Variants in HIP1R observed in about 807,000 individuals in gnomAD.
HIP1R encodes the protein huntingtin interacting protein 1 related.
HIP1R carries 135 observed loss-of-function variants against 144.2 expected under a neutral mutation model. The ratio of observed to expected loss-of-function variants is 0.94; its 90% CI spans 0.81 to 1.08. The LOEUF (loss-of-function observed/expected upper bound fraction) is 1.08, where lower values mean the gene tolerates loss of function less well. Among genes scored for constraint, HIP1R ranks in the 50% least tolerant of loss-of-function variants. HIP1R has a pLI of 0.00. For missense variants in HIP1R, 1,462 were observed against 1,432.8 expected (o/e 1.02, Z -0.33); for synonymous variants, 698 against 612.8 (o/e 1.14, Z -2.05).
Position 122,862,946 on chromosome 12 carries a change from T to G in HIP1R, c.*1193T>G, listed in dbSNP as rs2033811877. On this transcript the variant is annotated 3_prime_UTR_variant, in exon 32 of 32. Coordinates refer to ENST00000253083, the MANE Select transcript of HIP1R (RefSeq NM_003959.3). ...GTTCTGTTGGCAATAAAATGCACTT[T>G]GACTGTTTGTTGTCACTGATGCCCC... is the stretch of plus-strand genomic sequence containing the variant. 6.6e-6 allele frequency: 1 copy of G among 152,264 alleles called. No individual in the cohort carries two copies. The highest frequency in any genetic ancestry group is 1.5e-5 in the Non-Finnish European group (1 of 68,046). The allele number at this position is 152,264 out of a possible 1,614,324, so 9.4% of individuals were successfully genotyped here.
At chr12:122,854,839 A>T in intron 8 of HIP1R, 66 bp from the exon 9 acceptor site, 1 of 1,520,156 alleles carries the variant, frequency 6.6e-7, no homozygotes, top group South Asian at 1.1e-5. Flanking sequence ...CGGAGGAACA[A>T]GGCAGGGCAG....
At chr12:122,837,949 A>C (rs1181303713) in intron 1 of HIP1R, among the ~76,000 whole-genome samples, 1 of 152,212 alleles carries the variant, frequency 6.6e-6, no homozygotes, top group African/African-American at 2.4e-5. Flanking sequence ...AGAAAATAGC[A>C]CATGCAGTCC....
intron 26 of HIP1R, 46 bp downstream of exon 26, chr12:122,860,256 C>A (rs577207590): frequency 1.3e-6 from 2 of 1,533,716 alleles, no homozygotes; most frequent in African/African-American, 2.7e-5. Context: ...GGAGCCTGAC[C>A]CCCAGCCTAG....
At chr12:122,851,011 GAAT>G (rs2033378371) in intron 6 of HIP1R, 100 bp downstream of exon 6, 3 of 1,080,638 alleles carry the variant, frequency 2.8e-6, no homozygotes, top group Admixed American at 4.6e-5. Context: ...CAGTGGGGTT[GAAT>G]GAGTCCGTGG....
rs1057130658 is a variant in HIP1R at position 122,862,922 on chromosome 12, T to A, written c.*1169T>A. On this transcript the variant is annotated 3_prime_UTR_variant, in exon 32 of 32. Transcript: ENST00000253083. ...TGTGTTAGCATTTCCTCCTGAAGTG[T>A]TCTGTTGGCAATAAAATGCACTTTG... The A allele has an allele frequency of 5.3e-5, 8 of 152,206 alleles. No individual in the cohort carries two copies. Among genetic ancestry groups the A allele is most frequent in the African/African-American group, 1.7e-4 (7 of 41,444 alleles). 9.4% of individuals were successfully genotyped at this position (152,206 alleles called of 1,614,324 possible).
intron 22 of HIP1R, 103 bp from the exon 23 acceptor site, chr12:122,859,323 C>T: frequency 6.9e-7 from 1 of 1,454,992 alleles, no homozygotes; most frequent in Admixed American, 1.8e-5. Flanking sequence ...GGGTGGGGAC[C>T]ATGCACCCTC....
At chr12:122,860,814 G>A (rs775741743) in intron 28 of HIP1R, 30 bp downstream of exon 28, 29 of 1,605,182 alleles carry the variant, frequency 1.8e-5, no homozygotes, top group Non-Finnish European at 2.2e-5. Context: ...GCAGCACACT[G>A]GGCTCTGGGC....
In HIP1R at chr12:122,861,936, G is replaced by A. The variant is rs552465459; in HGVS notation, c.*183G>A. 2 of 567,206 alleles carry A rather than the reference G, an allele frequency of 3.5e-6. No individual in the cohort carries two copies. Among genetic ancestry groups the A allele is most frequent in the East Asian group, 3.0e-5 (1 of 33,432 alleles). The allele number at this position is 567,206 out of a possible 1,614,324, so 35.1% of individuals were successfully genotyped here. A position where few individuals can be genotyped will look rare whatever the true frequency, so the allele number is the denominator to read the frequency against. On this transcript the variant is annotated 3_prime_UTR_variant, in exon 32 of 32. Transcript: ENST00000253083. Reference sequence around the variant, plus strand: ...CAGGGTCCTGGGCCATGTGGGTGGTGCTTCTGGATGTGAGTCTCTTATTTA... The same window carrying A: ...CAGGGTCCTGGGCCATGTGGGTGGTACTTCTGGATGTGAGTCTCTTATTTA...
chr12:122,855,412 C>A lies in HIP1R; in HGVS notation c.993+7C>A. ...CCCCGCGGGGGAGCCAGTGGTGAGC[C>A]CCCTGCCCAGCCCGTGTCCCCCAGT... On this transcript the variant is annotated splice_region_variant and intron_variant, in intron 11 of 31. Transcript: ENST00000253083. 1 of 1,558,872 alleles carries A rather than the reference C, an allele frequency of 6.4e-7. No individual in the cohort carries two copies. The highest frequency in any genetic ancestry group is 1.4e-5 in the African/African-American group (1 of 73,462).
intron 1 of HIP1R, among the ~76,000 whole-genome samples, chr12:122,841,772 G>A (rs967554494): frequency 1.3e-5 from 2 of 152,140 alleles, no homozygotes; most frequent in Non-Finnish European, 2.9e-5. Context: ...CCTGGCAGAG[G>A]GGTGACGCAG....
rs149034848 is a variant in HIP1R at position 122,860,163 on chromosome 12, G to A, written c.2512G>A (p.Val838Met). 2.5e-6 allele frequency: 4 copies of A among 1,575,316 alleles called. No homozygotes were observed. Among genetic ancestry groups the A allele is most frequent in the Middle Eastern group, 1.7e-4 (1 of 6,032 alleles). The change falls in exon 26 of 32, where the codon GTG becomes ATG. Residue 838 changes from valine to methionine, a missense_variant. Val to Met is a conservative substitution (Grantham distance 21). Around this residue, in one of 2 missense-constraint regions of HIP1R, gnomAD observed 1,112 missense variants for 1,011.7 expected, o/e 1.10. Coordinates refer to ENST00000253083, the MANE Select transcript of HIP1R (RefSeq NM_003959.3). ...TDLMKAIRLL[V>M]TTSTSLQKEI... ...GTCTCGGCAGGCTATCCGGCTCCTG[G>A]TGACGACATCCACTAGCCTGCAGAA...
chr12:122,855,727 G>A (rs2033549133), intron 12 of HIP1R, 104 bp from the exon 13 acceptor site: 30 of 1,504,122 alleles, frequency 2.0e-5, no homozygotes, highest in Non-Finnish European at 2.5e-5. Context: ...AACCCGTGAG[G>A]TGCCCAAATC....
At chr12:122,851,116 G>A (rs1478847455) in intron 6 of HIP1R, 120 bp from the exon 7 acceptor site, 12 of 949,418 alleles carry the variant, frequency 1.3e-5, no homozygotes, top group South Asian at 5.1e-5. Flanking sequence ...GCAGAGGCAC[G>A]CTGTCTCACC....
chr12:122,860,108 C>T, intron 25 of HIP1R, 31 bp downstream of exon 25: 2 of 1,583,870 alleles, frequency 1.3e-6, no homozygotes, highest in Middle Eastern at 1.7e-4. Flanking sequence ...GGGGTCTGCA[C>T]CTGGAGGGCC....
intron 4 of HIP1R, among the ~76,000 whole-genome samples, chr12:122,849,399 G>A (rs953457998): frequency 6.6e-6 from 1 of 152,234 alleles, no homozygotes; most frequent in Non-Finnish European, 1.5e-5. Flanking sequence ...GCCCTGGACC[G>A]GGTACCCACA....
In HIP1R at chr12:122,850,290, A is replaced by T. The variant is rs1371229356; in HGVS notation, c.438+335A>T. 5.9e-6 allele frequency: 3 copies of T among 506,648 alleles called. No homozygotes were observed. In the Admixed American group the frequency reaches 6.9e-5, roughly 12 times the overall value. 31.4% of individuals were successfully genotyped at this position (506,648 alleles called of 1,614,324 possible). Reference sequence around the variant, plus strand: ...GCCCTCTGCCACCTATGTGGGCCACAGCCTGGGTCTGCCAAGAGCAGGGTC... The same window carrying T: ...GCCCTCTGCCACCTATGTGGGCCACTGCCTGGGTCTGCCAAGAGCAGGGTC... On this transcript the variant is annotated intron_variant, in intron 5 of 31. Coordinates refer to ENST00000253083, the MANE Select transcript of HIP1R (RefSeq NM_003959.3).
intron 1 of HIP1R, among the ~76,000 whole-genome samples, chr12:122,847,584 C>G (rs1375743676): frequency 6.6e-6 from 1 of 152,180 alleles, no homozygotes; most frequent in Non-Finnish European, 1.5e-5. Context: ...AGAGTGGGGA[C>G]AATGTGATGT....
chr12:122,853,610 G>A (rs2033465012), intron 7 of HIP1R: 1 of 157,376 alleles, frequency 6.4e-6, no homozygotes, highest in Non-Finnish European at 1.4e-5. Context: ...TGTGACCCTA[G>A]TGCCGTGTTA....
At chr12:122,843,402 A>G (rs981734689) in intron 1 of HIP1R, among the ~76,000 whole-genome samples, 4 of 152,224 alleles carry the variant, frequency 2.6e-5, no homozygotes, top group African/African-American at 9.6e-5. Flanking sequence ...CACTGGAACA[A>G]TGCTGTCTGC....
Sources: gnomAD v4.1 joint callset for allele counts (sites outside exome capture counted in the v4.1 genomes callset) on GRCh38, gnomAD v4.1.1 for gene constraint, gnomAD v4.1.1 regional missense constraint, MANE v1.5 for transcripts, NCBI Gene and HGNC (gene_info 2026-07-23, HGNC 2026-07-21) for gene names.